Variants in NAA25 observed in about 807,000 individuals in gnomAD.
NAA25 encodes the protein N-terminal acetyltransferase B complex subunit NAA25.
NAA25 carries 30 observed loss-of-function variants against 132.5 expected under a neutral mutation model. The ratio of observed to expected loss-of-function variants is 0.23; its 90% confidence interval spans 0.17 to 0.31. The LOEUF (loss-of-function observed/expected upper bound fraction) is 0.31, where lower values mean the gene tolerates loss of function less well. Ranked by LOEUF, NAA25 falls within the 10% of genes least tolerant of loss-of-function variation. NAA25 has a pLI of 1.00. For missense variants in NAA25, 771 were observed against 1,150.4 expected (o/e 0.67, Z 4.77); for synonymous variants, 359 against 401.9 (o/e 0.89, Z 1.28).
At position 112,028,708 on chromosome 12, in the gene NAA25, C is replaced by T. The variant is rs1266650645; in HGVS notation, c.*823G>A. On this transcript the variant is annotated 3_prime_UTR_variant, in exon 24 of 24. Coordinates refer to ENST00000261745, the MANE Select transcript of NAA25 (RefSeq NM_024953.4). ...CATACTTGCCTGCATAAATTATGTG[C>T]ACCTCTCTTCTTTGAAACAGTCATT... The T allele has an allele frequency of 6.6e-6, 1 of 152,010 alleles. No homozygotes were observed. Among genetic ancestry groups the T allele is most frequent in the African/African-American group, 2.4e-5 (1 of 41,386 alleles). 9.4% of individuals were successfully genotyped at this position (152,010 alleles called of 1,614,324 possible).
At chr12:112,032,822 A>G (rs576331128) in intron 23 of NAA25, among the ~76,000 whole-genome samples, 1 of 152,298 alleles carries the variant, frequency 6.6e-6, no homozygotes, top group East Asian at 1.9e-4. Flanking sequence ...CCTAATTATT[A>G]CTGACATAAT....
At chr12:112,067,035 C>T (rs2078727767) in intron 11 of NAA25, among the ~76,000 whole-genome samples, 1 of 152,114 alleles carries the variant, frequency 6.6e-6, no homozygotes. Flanking sequence ...AACCCCATCT[C>T]TACTAAAAAT....
chr12:112,045,379 G>A (rs2078363648), intron 17 of NAA25, among the ~76,000 whole-genome samples: 1 of 151,722 alleles, frequency 6.6e-6, no homozygotes, highest in Non-Finnish European at 1.5e-5. Flanking sequence ...TGTAGTCCCA[G>A]CTGAGGCTAA....
intron 14 of NAA25, among the ~76,000 whole-genome samples, 192 bp downstream of exon 14, chr12:112,054,196 T>A (rs1342644842): frequency 6.6e-6 from 1 of 152,240 alleles, no homozygotes; most frequent in East Asian, 1.9e-4. Flanking sequence ...ATTTCTAAAT[T>A]GTGCAAATTT....
intron 11 of NAA25, among the ~76,000 whole-genome samples, chr12:112,066,657 G>A (rs1478231255): frequency 6.6e-6 from 1 of 152,110 alleles, no homozygotes; most frequent in African/African-American, 2.4e-5. Flanking sequence ...TTCTGGATGT[G>A]TTACAATTTA....
At chr12:112,077,579 T>A (rs2136900724) in intron 7 of NAA25, among the ~76,000 whole-genome samples, 1 of 150,720 alleles carries the variant, frequency 6.6e-6, no homozygotes, top group East Asian at 2.0e-4. Context: ...AGCCCAGGAG[T>A]TCAAGTCCAG....
chr12:112,046,392 T>C (rs1221329546), intron 17 of NAA25, among the ~76,000 whole-genome samples: 1 of 152,240 alleles, frequency 6.6e-6, no homozygotes, highest in Admixed American at 6.5e-5. Context: ...GATTCTGTCA[T>C]GTGTCCTTTC....
At chr12:112,064,574 A>T (rs975043011) in intron 11 of NAA25, among the ~76,000 whole-genome samples, 26 of 152,152 alleles carry the variant, frequency 1.7e-4, no homozygotes, top group Admixed American at 5.2e-4. Context: ...TTCTACTGCC[A>T]GTTCTTCTAT....
At chr12:112,090,983 T>G (rs369062781) in intron 2 of NAA25, 119 bp from the exon 3 acceptor site, 11 of 958,562 alleles carry the variant, frequency 1.1e-5, no homozygotes, top group Middle Eastern at 2.7e-4. Context: ...TATACTAGTT[T>G]CAGGCTGGGT....
intron 14 of NAA25, among the ~76,000 whole-genome samples, 163 bp from the exon 15 acceptor site, chr12:112,053,820 T>TA (rs1375852857): frequency 3.7e-3 from 405 of 109,874 alleles, no homozygotes; most frequent in African/African-American, 0.012. Context: ...CAGTTAAAAT[T>TA]TAAAAAAAAA....
intron 17 of NAA25, among the ~76,000 whole-genome samples, chr12:112,045,486 C>CAAAAAAAA (rs75644384): frequency 2.5e-5 from 2 of 80,608 alleles, no homozygotes; most frequent in Non-Finnish European, 3.2e-5. Flanking sequence ...GACTCCATCA[C>CAAAAAAAA]AAAAAAAAAA....
intron 1 of NAA25, among the ~76,000 whole-genome samples, chr12:112,103,238 C>T (rs933253105): frequency 6.6e-6 from 1 of 152,182 alleles, no homozygotes; most frequent in Non-Finnish European, 1.5e-5. Context: ...CCACCCACCT[C>T]GGCCTCCCAA....
chr12:112,039,408 A>G, intron 21 of NAA25, 69 bp from the exon 22 acceptor site: 1 of 899,330 alleles, frequency 1.1e-6, no homozygotes, highest in South Asian at 1.5e-5. Flanking sequence ...AATTAGAGGC[A>G]ATGGATTCAA....
At chr12:112,048,570 G>A in intron 15 of NAA25, 127 bp from the exon 16 acceptor site, 1 of 734,168 alleles carries the variant, frequency 1.4e-6, no homozygotes, top group Non-Finnish European at 2.2e-6. Context: ...AAAGGTCTTG[G>A]TCACCAAGTA....
At chr12:112,043,264 A>C in intron 18 of NAA25, 53 bp from the exon 19 acceptor site, 1 of 1,513,382 alleles carries the variant, frequency 6.6e-7, no homozygotes, top group Non-Finnish European at 8.9e-7. Flanking sequence ...AAATGCATAC[A>C]AAATAAGAAA....
intron 3 of NAA25, among the ~76,000 whole-genome samples, chr12:112,088,749 T>C (rs956664664): frequency 6.6e-6 from 1 of 151,808 alleles, no homozygotes; most frequent in Non-Finnish European, 1.5e-5. Context: ...GCCTCCCAAG[T>C]AACTGGGATT....
intron 23 of NAA25, among the ~76,000 whole-genome samples, chr12:112,031,703 A>G (rs954300903): frequency 6.6e-6 from 1 of 151,938 alleles, no homozygotes; most frequent in South Asian, 2.1e-4. Context: ...TATCACCTTC[A>G]TATCTAACAG....
rs2078609200 is a variant in NAA25 at position 112,060,356 on chromosome 12, T to A, written c.1361A>T (p.Lys454Ile). The A allele has an allele frequency of 1.9e-6, 3 of 1,605,622 alleles. No homozygotes were observed. Among genetic ancestry groups the A allele is most frequent in the Non-Finnish European group, 2.6e-6 (3 of 1,172,550 alleles). The change falls in exon 13 of 24, where the codon AAA becomes ATA. Residue 454 changes from lysine (K) to isoleucine (I), a missense_variant. Around this residue, in one of 3 missense-constraint regions of NAA25, gnomAD observed 417 missense variants for 733.8 expected, o/e 0.57. Coordinates refer to ENST00000261745, the MANE Select transcript of NAA25 (RefSeq NM_024953.4). ...LRYQHGLEFG[K>I]TCLKTELQFS... Reference sequence around the variant, plus strand: ...TTGCAATTCTGTTTTCAAACAGGTTTTCCCTATGGGGGAAAAAAATCATAT... The same window carrying A: ...TTGCAATTCTGTTTTCAAACAGGTTATCCCTATGGGGGAAAAAAATCATAT...
intron 23 of NAA25, among the ~76,000 whole-genome samples, chr12:112,030,087 C>T (rs1282184822): frequency 1.3e-5 from 2 of 152,004 alleles, no homozygotes; most frequent in Middle Eastern, 3.4e-3. Flanking sequence ...GTGTCACACA[C>T]CTGTAATCCC....
Sources: gnomAD v4.1 joint callset for allele counts (sites outside exome capture counted in the v4.1 genomes callset) on GRCh38, gnomAD v4.1.1 for gene constraint, gnomAD v4.1.1 regional missense constraint, MANE v1.5 for transcripts, NCBI Gene and HGNC (gene_info 2026-07-23, HGNC 2026-07-21) for gene names.